The following LEPROT variants were observed in gnomAD, a reference collection of about 807,000 sequenced individuals.
LEPROT encodes the protein leptin receptor overlapping transcript.
In LEPROT, 3 loss-of-function variants were observed where a neutral mutation model predicts 15.4. The ratio of observed to expected loss-of-function variants is 0.19; its 90% CI spans 0.09 to 0.50. The LOEUF is 0.50. Among genes scored for constraint, LEPROT ranks in the 20% least tolerant of loss-of-function variants. The pLI is 0.97. For synonymous variants in LEPROT, 59 were observed against 57.5 expected, an observed-to-expected ratio of 1.03 and a Z score of -0.12; for missense variants, 137 against 162.2, an observed-to-expected ratio of 0.84 and a Z score of 0.84.
chr1:65,423,023 A>C (rs1214440674), intron 1 of LEPROT, among the ~76,000 whole-genome samples: 4 of 152,184 alleles, frequency 2.6e-5, no homozygotes, highest in Non-Finnish European at 5.9e-5. Flanking sequence ...ACCTTGACCT[A>C]CTGATTCATT....
At chr1:65,425,869 T>C (rs996181047) in intron 2 of LEPROT, among the ~76,000 whole-genome samples, 2 of 152,150 alleles carry the variant, frequency 1.3e-5, no homozygotes, top group Admixed American at 6.5e-5. Context: ...GGGAGGACAT[T>C]CCAGGCAGAG....
chr1:65,423,119 C>T (rs1172278155), intron 1 of LEPROT, among the ~76,000 whole-genome samples: 2 of 151,984 alleles, frequency 1.3e-5, no homozygotes, highest in Non-Finnish European at 2.9e-5. Flanking sequence ...ACACGTGTTA[C>T]ACATGTTGAA....
chr1:65,432,530 C>G lies in LEPROT; in HGVS notation c.*611C>G, dbSNP rs1306060626. On this transcript the variant is annotated 3_prime_UTR_variant, in exon 4 of 4. Transcript: ENST00000371065. ...TTCCTTATCTTTCCAGTGGCTAAAC[C>G]ACTTAACCTCTCTGGGTGTTACCTG... 1 of 786,978 alleles carries G rather than the reference C, an allele frequency of 1.3e-6. No homozygotes were observed. Among genetic ancestry groups the G allele is most frequent in the Non-Finnish European group, 1.5e-6 (1 of 649,728 alleles). 48.7% of individuals were successfully genotyped at this position (786,978 alleles called of 1,614,324 possible).
chr1:65,422,269 T>C lies in LEPROT; in HGVS notation c.16+1529T>C, dbSNP rs114321722. Among the ~76,000 whole-genome samples the C allele has an allele frequency of 5.5e-3, 832 of 152,188 alleles. 10 individuals are homozygous for C. The highest frequency in any genetic ancestry group is 0.019 in the African/African-American group (801 of 41,504). ...TAGACATAGAGACATACAGGGAGAA[T>C]ACCATGGGAAGACGGAGACAGAAAT... is the stretch of plus-strand genomic sequence containing the variant. On this transcript the variant is annotated intron_variant, in intron 1 of 3. Transcript: ENST00000371065.
Position 65,432,224 on chromosome 1 carries a change from GA to G in LEPROT, c.*308del. 12 of 1,024,102 alleles carry G rather than the reference GA, an allele frequency of 1.2e-5. No homozygotes were observed. The highest frequency in any genetic ancestry group is 1.4e-5 in the Non-Finnish European group (12 of 854,688). 63.4% of individuals were successfully genotyped at this position (1,024,102 alleles called of 1,614,324 possible). On this transcript the variant is annotated 3_prime_UTR_variant, in exon 4 of 4. Coordinates refer to ENST00000371065, the MANE Select transcript of LEPROT (RefSeq NM_017526.5). ...CAGCTGCCACCTTATGCAGTGCATC[GA>G]AACCTTTTGCTTGGGGATGTGCTTG... is the stretch of plus-strand genomic sequence containing the variant.
rs2101680857 is a variant in LEPROT at position 65,425,388 on chromosome 1, C to T, written c.92+10C>T. On this transcript the variant is annotated intron_variant, in intron 2 of 3. Transcript: ENST00000371065. ...CCTTAGAGGATTATGGGTAAGTTAT[C>T]ATTTCAAAAAGAACTATTCCTCTTT... 1.9e-6 allele frequency: 3 copies of T among 1,588,110 alleles called. No individual in the cohort carries two copies. Among genetic ancestry groups the T allele is most frequent in the East Asian group, 4.5e-5 (2 of 44,190 alleles).
chr1:65,427,424 A>G (rs1646400944), intron 2 of LEPROT, among the ~76,000 whole-genome samples: 2 of 152,114 alleles, frequency 1.3e-5, no homozygotes, highest in Admixed American at 6.5e-5. Flanking sequence ...AACTAAAATA[A>G]GCCAGGCATG....
chr1:65,423,984 A>G (rs1034618458), intron 1 of LEPROT, among the ~76,000 whole-genome samples: 5 of 152,218 alleles, frequency 3.3e-5, no homozygotes, highest in African/African-American at 1.2e-4. Flanking sequence ...CATAAGCTCA[A>G]TAAGGTGGCA....
chr1:65,425,459 A>G, intron 2 of LEPROT, 81 bp downstream of exon 2: 1 of 1,210,184 alleles, frequency 8.3e-7, no homozygotes. Flanking sequence ...AGTTCGGTCA[A>G]TTTAGCACCA....
intron 1 of LEPROT, among the ~76,000 whole-genome samples, chr1:65,423,381 A>C (rs1646291618): frequency 6.6e-6 from 1 of 152,184 alleles, no homozygotes; most frequent in Non-Finnish European, 1.5e-5. Context: ...GAGGAAAAAA[A>C]AGACCAAAAA....
chr1:65,420,868 C>G, intron 1 of LEPROT, 128 bp downstream of exon 1: 1 of 1,179,996 alleles, frequency 8.5e-7, no homozygotes, highest in Non-Finnish European at 1.2e-6. Context: ...CTCTCCGGTT[C>G]GGGAGGCGAT....
chr1:65,421,197 T>G (rs1646242622), intron 1 of LEPROT: 1 of 891,258 alleles, frequency 1.1e-6, no homozygotes, highest in Non-Finnish European at 1.6e-6. Context: ...TTTTTCCAAC[T>G]GGGCAGAGTT....
Position 65,432,172 on chromosome 1 carries a change from G to A in LEPROT, c.*253G>A. ...TGTTCATGTAGTCACGGTGCTCTCA[G>A]AAAATATATTAACGCAGTCTTGTAG... is the stretch of plus-strand genomic sequence containing the variant. On this transcript the variant is annotated 3_prime_UTR_variant, in exon 4 of 4. Coordinates refer to ENST00000371065, the MANE Select transcript of LEPROT (RefSeq NM_017526.5). 8.8e-7 allele frequency: 1 copy of A among 1,136,332 alleles called. No individual in the cohort carries two copies. The highest frequency in any genetic ancestry group is 1.1e-6 in the Non-Finnish European group (1 of 924,406). The allele number at this position is 1,136,332 out of a possible 1,614,324, so 70.4% of individuals were successfully genotyped here.
intron 2 of LEPROT, among the ~76,000 whole-genome samples, chr1:65,428,401 C>T (rs572726527): frequency 6.6e-6 from 1 of 152,294 alleles, no homozygotes; most frequent in East Asian, 1.9e-4. Context: ...TCTGTGTCTC[C>T]TTTCTCACTG....
Position 65,425,348 on chromosome 1 carries a change from T to C in LEPROT, c.62T>C (p.Leu21Pro). Residue 21 changes from leucine (L) to proline (P), a missense_variant, in exon 2 of 4, where the codon CTT (leucine) becomes CCT (proline). Coordinates refer to ENST00000371065, the MANE Select transcript of LEPROT (RefSeq NM_017526.5). ...SFSGAIGLTF[L>P]MLGCALEDYG... ...AGTGGGGCTATTGGACTGACTTTTCTTATGCTGGGATGTGCCTTAGAGGAT... is the reference window on the plus strand; with the variant it reads ...AGTGGGGCTATTGGACTGACTTTTCCTATGCTGGGATGTGCCTTAGAGGAT... The C allele has an allele frequency of 6.2e-7, 1 of 1,607,062 alleles. No individual in the cohort carries two copies. The highest frequency in any genetic ancestry group is 8.5e-7 in the Non-Finnish European group (1 of 1,178,530).
intron 1 of LEPROT, among the ~76,000 whole-genome samples, chr1:65,424,818 C>T (rs1043922469): frequency 3.3e-5 from 5 of 152,120 alleles, no homozygotes; most frequent in African/African-American, 1.2e-4. Flanking sequence ...TATAAGGGCA[C>T]TCATCCCATC....
chr1:65,434,756 AC>A lies in LEPROT; in HGVS notation c.*2839del. The A allele has an allele frequency of 1.0e-6, 1 of 985,144 alleles. No homozygotes were observed. Among genetic ancestry groups the A allele is most frequent in the Non-Finnish European group, 1.2e-6 (1 of 829,880 alleles). 61.0% of individuals were successfully genotyped at this position (985,144 alleles called of 1,614,324 possible). A position where few individuals can be genotyped will look rare whatever the true frequency, so the allele number is the denominator to read the frequency against. ...AGGTACACTCCTGGGAGTTTTGTTC[AC>A]CTCTCCCAACTGAGAACCTTCCCAC... On this transcript the variant is annotated 3_prime_UTR_variant, in exon 4 of 4. Transcript: ENST00000371065.
In LEPROT at chr1:65,433,155, T is replaced by A. The variant is rs1407259940; in HGVS notation, c.*1236T>A. Reference sequence around the variant, plus strand: ...TTATGATCTGGCACTTCTCCCCAGCTCCTTCCCTCTGCCCCCCACCCCTAC... The same window carrying A: ...TTATGATCTGGCACTTCTCCCCAGCACCTTCCCTCTGCCCCCCACCCCTAC... On this transcript the variant is annotated 3_prime_UTR_variant, in exon 4 of 4. Transcript: ENST00000371065. 3 of 985,306 alleles carry A rather than the reference T, an allele frequency of 3.0e-6. No individual in the cohort carries two copies. Among genetic ancestry groups the A allele is most frequent in the African/African-American group, 3.5e-5 (2 of 57,208 alleles). 61.0% of individuals were successfully genotyped at this position (985,306 alleles called of 1,614,324 possible).
At chr1:65,422,189 G>C (rs568682235) in intron 1 of LEPROT, among the ~76,000 whole-genome samples, 7 of 152,308 alleles carry the variant, frequency 4.6e-5, no homozygotes, top group African/African-American at 1.7e-4. Context: ...AATGATAACT[G>C]GTTTAAGGTG....
Sources: allele counts gnomAD v4.1 joint callset (sites outside exome capture counted in the v4.1 genomes callset), GRCh38; gene constraint gnomAD v4.1.1; transcripts MANE v1.5; gene names NCBI Gene and HGNC (gene_info 2026-07-23, HGNC 2026-07-21).